Variants in SLC7A8 observed in about 807,000 individuals in gnomAD.
SLC7A8 encodes the protein solute carrier family 7 member 8.
SLC7A8 carries 30 observed loss-of-function variants against 51.2 expected under a neutral mutation model. The ratio of observed to expected loss-of-function variants is 0.59; its 90% CI spans 0.44 to 0.80. SLC7A8 has a LOEUF of 0.80. Ranked by LOEUF, SLC7A8 falls within the 30% of genes least tolerant of loss-of-function variation. SLC7A8 has a pLI of 0.00. For synonymous variants in SLC7A8, 257 were observed against 275.8 expected, an observed-to-expected ratio of 0.93 and a Z score of 0.67; for missense variants, 612 against 674.4, an observed-to-expected ratio of 0.91 and a Z score of 1.03.
In SLC7A8 at chr14:23,129,875, C is replaced by T; in HGVS notation, c.1114-76G>A. The T allele has an allele frequency of 2.6e-6, 4 of 1,530,338 alleles. No individual in the cohort carries two copies. In the South Asian group the frequency reaches 4.9e-5, roughly 19 times the overall value. The allele number at this position is 1,530,338 out of a possible 1,614,324, so 94.8% of individuals were successfully genotyped here. A position where few individuals can be genotyped will look rare whatever the true frequency, so the allele number is the denominator to read the frequency against. On this transcript the variant is annotated intron_variant, in intron 8 of 10. Coordinates refer to ENST00000316902, the MANE Select transcript of SLC7A8 (RefSeq NM_012244.4). ...GGTATTACAGATTAGGGGCTGTCCC[C>T]CAGCCTCCAGGCAGATGATGCCATC...
intron 7 of SLC7A8, among the ~76,000 whole-genome samples, chr14:23,131,999 ATTTTTTTTTT>A (rs1201371313): frequency 1.0e-5 from 1 of 98,196 alleles, no homozygotes; most frequent in African/African-American, 3.9e-5. Context: ...AAAACACTCT[ATTTTTTTTTT>A]TTTTTTTTTT....
chr14:23,182,544 A>G (rs1415844224), intron 1 of SLC7A8, among the ~76,000 whole-genome samples: 2 of 152,136 alleles, frequency 1.3e-5, no homozygotes, highest in African/African-American at 2.4e-5. Flanking sequence ...GCTCCATTCT[A>G]TGAACACTGG....
chr14:23,161,310 C>T (rs549213578), intron 3 of SLC7A8, among the ~76,000 whole-genome samples: 3 of 152,178 alleles, frequency 2.0e-5, no homozygotes, highest in African/African-American at 7.2e-5. Context: ...GGCTTTACCA[C>T]ACAGGCTCTC....
chr14:23,166,520 T>C lies in SLC7A8; in HGVS notation c.172A>G (p.Ile58Val). 1.2e-6 allele frequency: 2 copies of C among 1,614,044 alleles called. No homozygotes were observed. Among genetic ancestry groups the C allele is most frequent in the Non-Finnish European group, 1.7e-6 (2 of 1,179,940 alleles). ...AGCACTCCCTTTGGCGAGACAAAGATTCCAGAGCCGATGATGTTCCCTGCA... is the reference window on the plus strand; with the variant it reads ...AGCACTCCCTTTGGCGAGACAAAGACTCCAGAGCCGATGATGTTCCCTGCA... ...IIVGNIIGSG[I>V]FVSPKGVLEN... is the part of the protein sequence containing the mutation. The change falls in exon 2 of 11, where the codon ATC becomes GTC. Residue 58 changes from isoleucine (I) to valine (V), a missense_variant. Transcript: ENST00000316902.
intron 1 of SLC7A8, among the ~76,000 whole-genome samples, chr14:23,169,400 T>A (rs1055777530): frequency 1.1e-4 from 16 of 152,012 alleles, no homozygotes; most frequent in African/African-American, 3.9e-4. Context: ...GCTAAAAAAA[T>A]ATTGAGCTAC....
At chr14:23,138,862 G>C (rs1466810008) in intron 6 of SLC7A8, among the ~76,000 whole-genome samples, 1 of 152,200 alleles carries the variant, frequency 6.6e-6, no homozygotes, top group Non-Finnish European at 1.5e-5. Context: ...CCAGTGAAGA[G>C]ACTGGCAGGC....
intron 7 of SLC7A8, among the ~76,000 whole-genome samples, chr14:23,137,487 G>A (rs1480525309): frequency 6.6e-6 from 1 of 152,160 alleles, no homozygotes; most frequent in Non-Finnish European, 1.5e-5. Flanking sequence ...AGACCCAGAG[G>A]CCCCAGGCAC....
At chr14:23,175,972 C>T (rs2048997261) in intron 1 of SLC7A8, among the ~76,000 whole-genome samples, 1 of 152,150 alleles carries the variant, frequency 6.6e-6, no homozygotes, top group Admixed American at 6.5e-5. Context: ...GGCTTCTGTC[C>T]CAGAATTTTA....
At chr14:23,135,374 G>A (rs2048679806) in intron 7 of SLC7A8, among the ~76,000 whole-genome samples, 1 of 150,404 alleles carries the variant, frequency 6.6e-6, no homozygotes, top group Admixed American at 6.6e-5. Context: ...ATAGGTGTGA[G>A]CCACTGCGCC....
At chr14:23,131,636 C>T (rs2048634680) in intron 7 of SLC7A8, 79 bp from the exon 8 acceptor site, 3 of 1,154,240 alleles carry the variant, frequency 2.6e-6, no homozygotes, top group Non-Finnish European at 3.6e-6. Flanking sequence ...TGCCTACCTT[C>T]TGCCCACACA....
At chr14:23,143,047 T>C (rs1341210022) in intron 4 of SLC7A8, 32 bp downstream of exon 4, 2 of 1,611,520 alleles carry the variant, frequency 1.2e-6, no homozygotes, top group Non-Finnish European at 1.7e-6. Flanking sequence ...GGAGGAAAGC[T>C]GGGCAGTACC....
chr14:23,161,936 A>AC (rs2048925994), intron 3 of SLC7A8, among the ~76,000 whole-genome samples: 1 of 151,456 alleles, frequency 6.6e-6, no homozygotes, highest in East Asian at 1.9e-4. Flanking sequence ...AAAAAAAAAA[A>AC]AAAAAAAAGC....
intron 3 of SLC7A8, among the ~76,000 whole-genome samples, chr14:23,159,073 T>C (rs1331993363): frequency 6.6e-6 from 1 of 152,204 alleles, no homozygotes; most frequent in Non-Finnish European, 1.5e-5. Context: ...GTTGCCCACA[T>C]TTTTTCCCCA....
chr14:23,139,343 C>T lies in SLC7A8; in HGVS notation c.912+81G>A. 4 of 1,600,380 alleles carry T rather than the reference C, an allele frequency of 2.5e-6. No individual in the cohort carries two copies. In the South Asian group the frequency reaches 4.4e-5, roughly 18 times the overall value. ...TTTCCACTTCCACAAGGCCATGGAT[C>T]AGGGAAAAGTGAGTGGGGCTACAGC... On this transcript the variant is annotated intron_variant, in intron 6 of 10. Transcript: ENST00000316902.
chr14:23,133,089 G>A (rs1049744176), intron 7 of SLC7A8, among the ~76,000 whole-genome samples: 2 of 152,130 alleles, frequency 1.3e-5, no homozygotes, highest in Non-Finnish European at 2.9e-5. Context: ...ATATTTTATT[G>A]TATGTAAATT....
chr14:23,161,207 A>G (rs977752759), intron 3 of SLC7A8, among the ~76,000 whole-genome samples: 7 of 151,520 alleles, frequency 4.6e-5, no homozygotes, highest in African/African-American at 1.5e-4. Context: ...GCTCCTCCCA[A>G]CTTCATTTCT....
rs2048566682 is a variant in SLC7A8, at chr14:23,125,411, A to C, written c.*1766T>G. 6.6e-6 allele frequency: 1 copy of C among 152,532 alleles called. No individual in the cohort carries two copies. Among genetic ancestry groups the C allele is most frequent in the Admixed American group, 6.5e-5 (1 of 15,284 alleles). The allele number at this position is 152,532 out of a possible 1,614,324, so 9.4% of individuals were successfully genotyped here. On this transcript the variant is annotated 3_prime_UTR_variant, in exon 11 of 11. Coordinates refer to ENST00000316902, the MANE Select transcript of SLC7A8 (RefSeq NM_012244.4). ...CATTAAGGTTCTAACTCCATCCCCC[A>C]AAACAACCTTACATTAAAAAAAATC...
rs2048761395 is a variant in SLC7A8 at position 23,143,191 on chromosome 14, C to T, written c.522G>A (p.Trp174Ter). Residue 174 changes from tryptophan (W) to a stop codon, truncating the protein, a stop_gained, in exon 4 of 11, where the codon TGG becomes TGA. Transcript: ENST00000316902. LOFTEE classifies it high-confidence loss of function. ...CCCACCGCACACTGGAACAGTTGACCCATGTGAGGAGCACTGAAATGAAAG... is the reference window on the plus strand; with the variant it reads ...CCCACCGCACACTGGAACAGTTGACTCATGTGAGGAGCACTGAAATGAAAG... Reference protein sequence around the residue: ...LAAICLLLLTWVNCSSVRWAT... With the variant: ...LAAICLLLLT The T allele has an allele frequency of 6.2e-7, 1 of 1,614,058 alleles. No homozygotes were observed. The highest frequency in any genetic ancestry group is 1.3e-5 in the African/African-American group (1 of 74,918).
intron 7 of SLC7A8, among the ~76,000 whole-genome samples, chr14:23,132,597 A>C (rs1256735933): frequency 6.6e-6 from 1 of 151,954 alleles, no homozygotes; most frequent in Non-Finnish European, 1.5e-5. Flanking sequence ...CAAACAAAAA[A>C]ACCCCCACAA....
Sources: gnomAD v4.1 joint callset for allele counts (sites outside exome capture counted in the v4.1 genomes callset) on GRCh38, gnomAD v4.1.1 for gene constraint, MANE v1.5 for transcripts, NCBI Gene and HGNC (gene_info 2026-07-23, HGNC 2026-07-21) for gene names.